The following PFKFB3 variants were observed in gnomAD, a reference collection of about 807,000 sequenced individuals.
The protein encoded by PFKFB3 is 6-phosphofructo-2-kinase/fructose-2,6-bisphosphatase 3.
Under a neutral mutation model 68.0 loss-of-function variants are expected in PFKFB3, and 33 were observed. That is an observed-to-expected ratio of 0.49 (90% CI 0.37 to 0.65). PFKFB3 has a LOEUF of 0.65. Among genes scored for constraint, PFKFB3 ranks in the 30% least tolerant of loss-of-function variants. The pLI, the probability that PFKFB3 is intolerant of heterozygous loss-of-function variation, is 0.00. For synonymous variants in PFKFB3, 315 were observed against 288.2 expected (o/e 1.09, Z -0.94); for missense variants, 586 against 712.2 (o/e 0.82, Z 2.02).
intron 1 of PFKFB3, among the ~76,000 whole-genome samples, chr10:6,196,445 G>A (rs1038069256): frequency 2.0e-5 from 3 of 152,176 alleles, no homozygotes; most frequent in African/African-American, 4.8e-5. Context: ...TAGGCCGTCT[G>A]CAAGCTGAGG....
chr10:6,224,178 G>A lies in PFKFB3; in HGVS notation c.1306G>A (p.Val436Met), dbSNP rs1231206567. 1.4e-5 allele frequency: 23 copies of A among 1,614,156 alleles called. No individual in the cohort carries two copies. The highest frequency in any genetic ancestry group is 2.7e-5 in the African/African-American group (2 of 75,030). ...GCRVESIYLNVESVCTHRERS... is the reference protein window; with the variant it reads ...GCRVESIYLNMESVCTHRERS... The stretch of plus-strand genomic sequence containing the variant: ...CCGTGTGGAATCCATCTACCTGAAC[G>A]TGGAGTCCGTCTGCACACACCGGGA... The change falls in exon 13 of 15, where the codon GTG (valine) becomes ATG (methionine). Residue 436 changes from valine to methionine, a missense_variant. Coordinates refer to ENST00000379775, the MANE Select transcript of PFKFB3 (RefSeq NM_004566.4).
chr10:6,205,388 C>CTTTTTTTTTT (rs3084014), intron 1 of PFKFB3, among the ~76,000 whole-genome samples: 22 of 106,538 alleles, frequency 2.1e-4, no homozygotes, highest in Admixed American at 3.6e-4. Context: ...TTCTTTCTTC[C>CTTTTTTTTTT]TTTTTTTTTT....
chr10:6,208,949 C>T (rs558772067), intron 1 of PFKFB3, among the ~76,000 whole-genome samples: 1 of 152,312 alleles, frequency 6.6e-6, no homozygotes, highest in African/African-American at 2.4e-5. Context: ...AGGCAGTCTC[C>T]GTTGTACACT....
At position 6,231,072 on chromosome 10, in the gene PFKFB3, C is replaced by A. The variant is rs74229667; in HGVS notation, c.1516-1823C>A. 5.4e-4 allele frequency among the ~76,000 whole-genome samples: 82 copies of A among 152,254 alleles called. 1 individual carries two copies. In the East Asian group the frequency reaches 0.015, roughly 28 times the overall value. ...CAGTAAGATGGGGACGAACAACTGTCCGGACCTGGTGCTCTGGGGTGCCTT... is the reference window on the plus strand; with the variant it reads ...CAGTAAGATGGGGACGAACAACTGTACGGACCTGGTGCTCTGGGGTGCCTT... On this transcript the variant is annotated intron_variant, in intron 14 of 14. Coordinates refer to ENST00000379775, the MANE Select transcript of PFKFB3 (RefSeq NM_004566.4).
At chr10:6,221,773 G>A in intron 10 of PFKFB3, 28 bp downstream of exon 10, 1 of 1,467,492 alleles carries the variant, frequency 6.8e-7, no homozygotes, top group Non-Finnish European at 9.4e-7. Context: ...CGGGCTGACG[G>A]TCCCCAGCAC....
chr10:6,175,251 A>G (rs1842429283), intron 1 of PFKFB3, among the ~76,000 whole-genome samples: 1 of 152,196 alleles, frequency 6.6e-6, no homozygotes, highest in South Asian at 2.1e-4. Context: ...TGACCAGAAA[A>G]TTGTGAGATT....
chr10:6,315,765 C>T, the PFKFB3 span, among the ~76,000 whole-genome samples: 3 of 152,206 alleles, frequency 2.0e-5, no homozygotes, highest in South Asian at 4.1e-4. Context: ...GGATTATAGG[C>T]GTGAACCACC....
At chr10:6,325,960 C>T in the PFKFB3 span, among the ~76,000 whole-genome samples, 346 of 152,274 alleles carry the variant, frequency 2.3e-3, 4 homozygotes, top group African/African-American at 8.0e-3. Flanking sequence ...GTGCACTGCT[C>T]AGAGGTGGCT....
the PFKFB3 span, among the ~76,000 whole-genome samples, chr10:6,302,267 C>G: frequency 1.7e-3 from 259 of 149,998 alleles, 1 homozygote; most frequent in African/African-American, 6.1e-3. Context: ...GTTGGTCAGG[C>G]TGGTCTCGAA....
At chr10:6,271,743 C>G in the PFKFB3 span, among the ~76,000 whole-genome samples, 1 of 152,186 alleles carries the variant, frequency 6.6e-6, no homozygotes, top group Non-Finnish European at 1.5e-5. Context: ...ACTGTGACCC[C>G]AAATAGCCAC....
At chr10:6,192,045 C>T (rs74867287) in intron 1 of PFKFB3, among the ~76,000 whole-genome samples, 2,633 of 151,870 alleles carry the variant, frequency 0.017, 28 homozygotes, top group Middle Eastern at 0.037. Flanking sequence ...CAGGCCCACC[C>T]CAGATGTCTG....
At chr10:6,221,289 G>A in intron 8 of PFKFB3, 92 bp from the exon 9 acceptor site, 1 of 1,488,696 alleles carries the variant, frequency 6.7e-7, no homozygotes, top group Non-Finnish European at 9.1e-7. Context: ...ACCAGGTAGT[G>A]CACAGCCCTA....
At chr10:6,304,675 A>C in the PFKFB3 span, among the ~76,000 whole-genome samples, 2 of 147,306 alleles carry the variant, frequency 1.4e-5, no homozygotes, top group Non-Finnish European at 3.0e-5. Context: ...TAAATTAAAA[A>C]TATTAGGAAC....
Position 6,203,026 on chromosome 10 carries a change from C to G in PFKFB3, c.-235C>G. On this transcript the variant is annotated 5_prime_UTR_variant, in exon 1 of 15. Coordinates refer to ENST00000379775, the MANE Select transcript of PFKFB3 (RefSeq NM_004566.4). Reference sequence around the variant, plus strand: ...TCCCAGAGCTTTCCGAGCGGACGAGCCGGCCGTGCCGGGCATCCCCAGCCT... The same window carrying G: ...TCCCAGAGCTTTCCGAGCGGACGAGGCGGCCGTGCCGGGCATCCCCAGCCT... 7.3e-7 allele frequency: 1 copy of G among 1,372,042 alleles called. No homozygotes were observed. The highest frequency in any genetic ancestry group is 9.4e-7 in the Non-Finnish European group (1 of 1,067,270). The allele number at this position is 1,372,042 out of a possible 1,614,324, so 85.0% of individuals were successfully genotyped here.
intron 1 of PFKFB3, among the ~76,000 whole-genome samples, chr10:6,171,038 T>C (rs1021251184): frequency 6.6e-6 from 1 of 152,208 alleles, no homozygotes; most frequent in East Asian, 1.9e-4. Flanking sequence ...TTATTATTAT[T>C]ATTTTTTTAT....
chr10:6,315,431 A>G, the PFKFB3 span, among the ~76,000 whole-genome samples: 4 of 152,194 alleles, frequency 2.6e-5, no homozygotes, highest in East Asian at 3.8e-4. Context: ...CTAGAGCTGC[A>G]TGATTATTCT....
At position 6,223,645 on chromosome 10, in the gene PFKFB3, A is replaced by G. The variant is rs565069309; in HGVS notation, c.1214-313A>G. ...ATGTCTCATTTCTTTTTTTTGAGAC[A>G]AAGTTTTGCTCTTCTTGCGCAGGCT... On this transcript the variant is annotated intron_variant, in intron 11 of 14. Transcript: ENST00000379775. 2.6e-5 allele frequency among the ~76,000 whole-genome samples: 4 copies of G among 152,192 alleles called. No individual in the cohort carries two copies. In the South Asian group the frequency reaches 8.3e-4, roughly 32 times the overall value.
At position 6,203,426 on chromosome 10, in the gene PFKFB3, C is replaced by T. The variant is rs1468767395; in HGVS notation, c.76+90C>T. On this transcript the variant is annotated intron_variant, in intron 1 of 14. Transcript: ENST00000379775. The stretch of plus-strand genomic sequence containing the variant: ...GCGGCTTTGTGCCGACGCCCCTCTG[C>T]GGGGGGCGCGCCCGTGCGGGTCGCG... 8.1e-6 allele frequency: 7 copies of T among 863,444 alleles called. No individual in the cohort carries two copies. In the Admixed American group the frequency reaches 1.2e-4, roughly 15 times the overall value. 53.5% of individuals were successfully genotyped at this position (863,444 alleles called of 1,614,324 possible).
chr10:6,298,272 A>T, the PFKFB3 span, among the ~76,000 whole-genome samples: 1 of 151,698 alleles, frequency 6.6e-6, no homozygotes, highest in Non-Finnish European at 1.5e-5. Flanking sequence ...ACCTCGGATT[A>T]CCCTAGGTTA....
Sources: allele counts gnomAD v4.1 joint callset (sites outside exome capture counted in the v4.1 genomes callset), GRCh38; gene constraint gnomAD v4.1.1; transcripts MANE v1.5; gene names NCBI Gene and HGNC (gene_info 2026-07-23, HGNC 2026-07-21).